The following TASP1 variants were observed in gnomAD, a reference collection of about 807,000 sequenced individuals.
TASP1 encodes the protein threonine aspartase 1.
Under a neutral mutation model 56.6 loss-of-function variants are expected in TASP1, and 16 were observed. That is an observed-to-expected ratio of 0.28 (90% confidence interval 0.19 to 0.43). The LOEUF (loss-of-function observed/expected upper bound fraction) is 0.43, where lower values mean the gene tolerates loss of function less well. Ranked by LOEUF, TASP1 falls within the 20% of genes least tolerant of loss-of-function variation. The probability of loss-of-function intolerance (pLI) is 1.00; values close to 1 mark genes in which losing one functional copy is unlikely to be tolerated. For missense variants in TASP1, 393 were observed against 511.6 expected, an observed-to-expected ratio of 0.77 and a Z score of 2.24; for synonymous variants, 179 against 184.2, an observed-to-expected ratio of 0.97 and a Z score of 0.23.
chr20:13,266,189 C>G, the TASP1 span, among the ~76,000 whole-genome samples: 1 of 152,134 alleles, frequency 6.6e-6, no homozygotes, highest in African/African-American at 2.4e-5. Context: ...CCACCTGAAA[C>G]AAACACCAAG....
intron 11 of TASP1, among the ~76,000 whole-genome samples, chr20:13,448,359 T>C (rs2043489601): frequency 6.6e-6 from 1 of 152,152 alleles, no homozygotes; most frequent in African/African-American, 2.4e-5. Flanking sequence ...TTCGAGTGGC[T>C]TTATTTTCAC....
At chr20:13,442,509 G>A (rs2043253339) in intron 11 of TASP1, among the ~76,000 whole-genome samples, 1 of 152,082 alleles carries the variant, frequency 6.6e-6, no homozygotes, top group Admixed American at 6.5e-5. Flanking sequence ...CTGGCATGGT[G>A]GTGGGTGGCT....
chr20:13,255,172 A>C, the TASP1 span, among the ~76,000 whole-genome samples: 1 of 152,256 alleles, frequency 6.6e-6, no homozygotes, highest in African/African-American at 2.4e-5. Context: ...TGATCAGGGA[A>C]GTCCTCTCTC....
the TASP1 span, among the ~76,000 whole-genome samples, chr20:13,380,873 CTG>C: frequency 1.3e-5 from 2 of 152,188 alleles, no homozygotes; most frequent in African/African-American, 2.4e-5. Context: ...TTTGTTTACA[CTG>C]TGAGGGGAAA....
chr20:13,611,941 T>C lies in TASP1; in HGVS notation c.282+11505A>G, dbSNP rs150780711. ...CAACACGCATCTGTGAAATGTCTCT[T>C]TTGCAATCTCTGGCCTACATCACTT... On this transcript the variant is annotated intron_variant, in intron 4 of 13. Transcript: ENST00000337743. 9.2e-5 allele frequency among the ~76,000 whole-genome samples: 14 copies of C among 152,330 alleles called. No individual in the cohort carries two copies. In the East Asian group the frequency reaches 2.7e-3, roughly 29 times the overall value.
the TASP1 span, among the ~76,000 whole-genome samples, chr20:13,307,682 C>T: frequency 6.6e-6 from 1 of 152,220 alleles, no homozygotes; most frequent in African/African-American, 2.4e-5. Context: ...TAAATGGAAT[C>T]GTACAGCACC....
rs2041216068 is a variant in TASP1 at position 13,390,114 on chromosome 20, C to T, written c.*246G>A. On this transcript the variant is annotated 3_prime_UTR_variant, in exon 14 of 14. Coordinates refer to ENST00000337743, the MANE Select transcript of TASP1 (RefSeq NM_017714.3). ...TATTTCATCCACGGAGAAGCAAACA[C>T]ACATACTCCACACATACACATATGT... 5.0e-6 allele frequency: 2 copies of T among 402,780 alleles called. No homozygotes were observed. The highest frequency in any genetic ancestry group is 2.1e-5 in the African/African-American group (1 of 48,770). The allele number at this position is 402,780 out of a possible 1,614,324, so 25.0% of individuals were successfully genotyped here.
At chr20:13,178,194 C>T in the TASP1 span, among the ~76,000 whole-genome samples, 5,488 of 152,038 alleles carry the variant, frequency 0.036, 312 homozygotes, top group African/African-American at 0.12. Flanking sequence ...CAAATAAAAA[C>T]CACAGTGAGG....
At chr20:13,172,556 C>T in the TASP1 span, among the ~76,000 whole-genome samples, 2 of 151,998 alleles carry the variant, frequency 1.3e-5, no homozygotes, top group Non-Finnish European at 2.9e-5. Flanking sequence ...GTCTTTTGCA[C>T]ATTTGTTTGA....
chr20:13,132,722 TCTTTCC>T, the TASP1 span: 3 of 152,316 alleles, frequency 2.0e-5, no homozygotes, highest in African/African-American at 7.2e-5. Context: ...TGTGCTTGAT[TCTTTCC>T]CTTTCCATCT....
rs2047381095 is a variant in TASP1, at chr20:13,588,250, A to AAGGAAGG, written c.283-881_283-880insCCTTCCT. ...AAAAAGGAGAAAGAAAGAAAGGAAG[A>AAGGAAGG]AAGGAAGGAAGGAAGGAAGGAAGGA... On this transcript the variant is annotated intron_variant, in intron 4 of 13. Transcript: ENST00000337743. Among the ~76,000 whole-genome samples the AAGGAAGG allele has an allele frequency of 4.4e-4, 43 of 96,678 alleles. 1 individual carries two copies. The highest frequency in any genetic ancestry group is 1.5e-3 in the African/African-American group (37 of 24,070). The allele number at this position is 96,678 out of a possible 152,430, so 63.4% of individuals were successfully genotyped here. A position where few individuals can be genotyped will look rare whatever the true frequency, so the allele number is the denominator to read the frequency against.
At chr20:13,167,775 C>T in the TASP1 span, 2 of 152,204 alleles carry the variant, frequency 1.3e-5, no homozygotes, top group African/African-American at 4.8e-5. Context: ...CTAGGCCCTA[C>T]ACCAGACCTT....
chr20:13,253,467 C>A, the TASP1 span, among the ~76,000 whole-genome samples: 10 of 152,146 alleles, frequency 6.6e-5, no homozygotes, highest in African/African-American at 2.4e-4. Context: ...TCCTGGAAAG[C>A]ATCTCCCATT....
chr20:13,368,240 G>T, the TASP1 span: 1 of 152,156 alleles, frequency 6.6e-6, no homozygotes, highest in East Asian at 1.9e-4. Flanking sequence ...CAGCCTTCAA[G>T]TCCTGGTGTT....
Position 13,406,792 on chromosome 20 carries a change from G to A in TASP1, c.1170+10656C>T, listed in dbSNP as rs773492739. ...CGCCATTCTCCTGCCTCAGCCTCCC[G>A]AGTAGCTGGGACTACAGGCGCCCGC... On this transcript the variant is annotated intron_variant, in intron 13 of 13. Transcript: ENST00000337743. Among the ~76,000 whole-genome samples, 40 of 150,676 alleles carry A rather than the reference G, an allele frequency of 2.7e-4. 2 individuals are homozygous for A. The highest frequency in any genetic ancestry group is 7.8e-4 in the African/African-American group (32 of 41,002).
the TASP1 span, among the ~76,000 whole-genome samples, chr20:13,241,284 C>A: frequency 6.6e-6 from 1 of 152,052 alleles, no homozygotes; most frequent in African/African-American, 2.4e-5. Context: ...ACAAATAAGT[C>A]TTGCAAAAGT....
intron 11 of TASP1, among the ~76,000 whole-genome samples, chr20:13,450,545 T>A: frequency 6.6e-6 from 1 of 152,108 alleles, no homozygotes; most frequent in East Asian, 1.9e-4. Context: ...CAGGAGAAGA[T>A]TTCATCTCAA....
At chr20:13,622,124 A>G (rs191239790) in intron 4 of TASP1, among the ~76,000 whole-genome samples, 1 of 152,350 alleles carries the variant, frequency 6.6e-6, no homozygotes, top group Admixed American at 6.5e-5. Flanking sequence ...AAAGCACCTC[A>G]TAACTGTAAT....
At chr20:13,141,631 G>T in the TASP1 span, among the ~76,000 whole-genome samples, 2 of 152,214 alleles carry the variant, frequency 1.3e-5, no homozygotes, top group African/African-American at 2.4e-5. Context: ...CCTTGGCATT[G>T]TTGACAGAGG....
Sources: allele counts gnomAD v4.1 joint callset (sites outside exome capture counted in the v4.1 genomes callset), GRCh38; gene constraint gnomAD v4.1.1; transcripts MANE v1.5; gene names NCBI Gene and HGNC (gene_info 2026-07-23, HGNC 2026-07-21).